The following WDR3 variants were observed in gnomAD, a reference collection of about 807,000 sequenced individuals.
WDR3 encodes the protein WD repeat domain 3.
A neutral mutation model predicts 123.7 loss-of-function variants in WDR3; 81 were observed. The observed-to-expected ratio is 0.65, with a 90% CI of 0.55 to 0.79. The LOEUF (loss-of-function observed/expected upper bound fraction) is 0.79. Ranked by LOEUF, WDR3 falls within the 30% of genes least tolerant of loss-of-function variation. The probability of loss-of-function intolerance (pLI) is 0.00; values close to 1 mark genes in which losing one functional copy is unlikely to be tolerated. For synonymous variants in WDR3, 390 were observed against 388.8 expected, an observed-to-expected ratio of 1.00 and a Z score of -0.04; for missense variants, 1,027 against 1,123.2, an observed-to-expected ratio of 0.91 and a Z score of 1.22.
rs1372671970 is a variant in WDR3, at chr1:117,952,567, A to G, written c.2056A>G (p.Ser686Gly). Residue 686 changes from serine to glycine, a missense_variant, in exon 19 of 27, where the codon AGT becomes GGT. Ser to Gly is a moderately conservative substitution (Grantham distance 56). Transcript: ENST00000349139. ...QEIWCLAVSP[S>G]GDYVVSSSHD... The stretch of plus-strand genomic sequence containing the variant: ...AATATGGTGTTTGGCTGTAAGCCCC[A>G]GTGGAGACTATGTTGTATCATCGTC... The G allele has an allele frequency of 2.5e-6, 4 of 1,613,392 alleles. No individual in the cohort carries two copies. Among genetic ancestry groups the G allele is most frequent in the Non-Finnish European group, 3.4e-6 (4 of 1,179,628 alleles).
intron 2 of WDR3, 73 bp downstream of exon 2, chr1:117,933,563 G>C: frequency 6.3e-7 from 1 of 1,584,422 alleles, no homozygotes; most frequent in Admixed American, 1.7e-5. Context: ...AAGTGGGGGG[G>C]CTCTGATTTA....
Position 117,941,778 on chromosome 1 carries a change from G to A in WDR3, c.920G>A (p.Cys307Tyr). 3 of 1,611,184 alleles carry A rather than the reference G, an allele frequency of 1.9e-6. No homozygotes were observed. Among genetic ancestry groups the A allele is most frequent in the Non-Finnish European group, 2.5e-6 (3 of 1,179,344 alleles). ...ACTGACTCTGTGCTAGAATTGTTTTGTATCCTTTCCAAAAAGGAAATTCAG... is the reference window on the plus strand; with the variant it reads ...ACTGACTCTGTGCTAGAATTGTTTTATATCCTTTCCAAAAAGGAAATTCAG... ...HGTDSVLELF[C>Y]ILSKKEIQKK... The change falls in exon 9 of 27, where the codon TGT (cysteine) becomes TAT (tyrosine). Residue 307 changes from cysteine (C) to tyrosine (Y), a missense_variant. Transcript: ENST00000349139.
chr1:117,931,849 A>G (rs1650745616), intron 1 of WDR3, among the ~76,000 whole-genome samples: 1 of 152,228 alleles, frequency 6.6e-6, no homozygotes, highest in African/African-American at 2.4e-5. Context: ...TTCCTGTGAG[A>G]GAAGCAATGA....
chr1:117,938,467 TTTC>T lies in WDR3; in HGVS notation c.501-7_501-5del, dbSNP rs1160110097. The T allele has an allele frequency of 3.7e-6, 6 of 1,610,428 alleles. No individual in the cohort carries two copies. Among genetic ancestry groups the T allele is most frequent in the Non-Finnish European group, 5.1e-6 (6 of 1,178,036 alleles). ...AAACAGGCTATATATTTTTTTCCTG[TTTC>T]TTCTTTTAGTGGGAAAGATACCATG... is the stretch of plus-strand genomic sequence containing the variant. On this transcript the variant is annotated splice_polypyrimidine_tract_variant and intron_variant, in intron 4 of 26. Transcript: ENST00000349139.
intron 6 of WDR3, 76 bp from the exon 7 acceptor site, chr1:117,940,751 A>ACAACAACAACAACAACAACAAC: frequency 1.5e-6 from 2 of 1,311,446 alleles, no homozygotes; most frequent in African/African-American, 3.0e-5. Flanking sequence ...AACAACAACA[A>ACAACAACAACAACAACAACAAC]AACAACAACA....
In WDR3 at chr1:117,966,493, C is replaced by T. The variant is rs1416757526; in HGVS notation, c.*7046C>T. On this transcript the variant is annotated 3_prime_UTR_variant, in exon 27 of 27. Transcript: ENST00000349139. ...ATGCTCTTTGTCTTAATAAATTTAA[C>T]TCTGATTTTGAAGATAGAATTAATA... The T allele has an allele frequency of 9.4e-7, 1 of 1,061,286 alleles. No homozygotes were observed. Among genetic ancestry groups the T allele is most frequent in the Non-Finnish European group, 1.3e-6 (1 of 768,280 alleles). The allele number at this position is 1,061,286 out of a possible 1,614,324, so 65.7% of individuals were successfully genotyped here.
chr1:117,959,580 G>A lies in WDR3; in HGVS notation c.*133G>A. On this transcript the variant is annotated 3_prime_UTR_variant, in exon 27 of 27. Transcript: ENST00000349139. ...CGCATTGCAGATGATATCAGGATGT[G>A]GTTTCCAGCTTTGCCTGAGGGAATT... 2.0e-6 allele frequency: 2 copies of A among 1,000,988 alleles called. No homozygotes were observed. Among genetic ancestry groups the A allele is most frequent in the East Asian group, 2.9e-5 (1 of 34,860 alleles). The allele number at this position is 1,000,988 out of a possible 1,614,324, so 62.0% of individuals were successfully genotyped here.
Position 117,940,926 on chromosome 1 carries a change from G to GA in WDR3, c.777dup (p.Ala260SerfsTer3), listed in dbSNP as rs1557818823. ...AGAGGATGGTGCCTTTGAGACGGAT[G>GA]AAGCCCCTGAGGATGTAATTCATTT... is the stretch of plus-strand genomic sequence containing the variant. On this transcript the variant is annotated frameshift_variant, in exon 7 of 27. Transcript: ENST00000349139. LOFTEE classifies it high-confidence loss of function. The GA allele has an allele frequency of 1.9e-6, 3 of 1,612,200 alleles. No homozygotes were observed. Among genetic ancestry groups the GA allele is most frequent in the Non-Finnish European group, 2.5e-6 (3 of 1,179,544 alleles).
At position 117,933,477 on chromosome 1, in the gene WDR3, G is replaced by A. The variant is rs1343701448; in HGVS notation, c.158G>A (p.Arg53Lys). The change falls in exon 2 of 27, where the codon AGG becomes AAG. Residue 53 changes from arginine (R) to lysine (K), a missense_variant. Transcript: ENST00000349139. ...GAACACGTTTTCATCTGGGACTTAA[G>A]GAAAGGAGAGAAGGTGAGCCTAAAA... The part of the protein sequence containing the change: ...ACEHVFIWDL[R>K]KGEKILILQG... 2 of 1,614,048 alleles carry A rather than the reference G, an allele frequency of 1.2e-6. No individual in the cohort carries two copies. Among genetic ancestry groups the A allele is most frequent in the Non-Finnish European group, 1.7e-6 (2 of 1,180,014 alleles).
intron 13 of WDR3, 83 bp downstream of exon 13, chr1:117,948,589 G>A: frequency 1.1e-6 from 1 of 914,766 alleles, no homozygotes; most frequent in Non-Finnish European, 1.5e-6. Context: ...AAGAAAGCCT[G>A]AGGTTTTTTT....
At chr1:117,939,749 T>C (rs1008579130) in intron 6 of WDR3, among the ~76,000 whole-genome samples, 177 bp downstream of exon 6, 1 of 152,224 alleles carries the variant, frequency 6.6e-6, no homozygotes, top group Non-Finnish European at 1.5e-5. Context: ...TCCTTATTTA[T>C]TTGAGCTCAG....
At chr1:117,942,361 A>C in intron 9 of WDR3, 76 bp from the exon 10 acceptor site, 1 of 1,258,788 alleles carries the variant, frequency 7.9e-7, no homozygotes, top group Non-Finnish European at 1.1e-6. Context: ...TCAAGGGGCC[A>C]GATTTTGAAC....
chr1:117,946,061 GTTCT>G (rs755014022), intron 11 of WDR3, 21 bp from the exon 12 acceptor site: 15 of 1,577,746 alleles, frequency 9.5e-6, no homozygotes, highest in East Asian at 9.1e-5. Flanking sequence ...CTTAACATGA[GTTCT>G]TTATTTTTTC....
intron 17 of WDR3, 53 bp from the exon 18 acceptor site, chr1:117,952,244 C>G: frequency 4.5e-6 from 7 of 1,544,170 alleles, no homozygotes; most frequent in Non-Finnish European, 6.2e-6. Context: ...GTGTAAAACT[C>G]TTTTTACTAA....
chr1:117,934,160 G>A (rs1650834153), intron 2 of WDR3, among the ~76,000 whole-genome samples: 1 of 152,178 alleles, frequency 6.6e-6, no homozygotes, highest in Non-Finnish European at 1.5e-5. Context: ...ATCACGTAGT[G>A]TTGTTCTAGG....
At chr1:117,941,899 ATGTTACTG>A in intron 9 of WDR3, 52 bp downstream of exon 9, 1 of 1,509,708 alleles carries the variant, frequency 6.6e-7, no homozygotes, top group Admixed American at 2.8e-5. Context: ...GGTAGGCCCC[ATGTTACTG>A]AAAAAAAACT....
intron 10 of WDR3, among the ~76,000 whole-genome samples, chr1:117,942,833 T>G (rs991978708): frequency 2.0e-5 from 3 of 151,506 alleles, no homozygotes; most frequent in Non-Finnish European, 4.4e-5. Context: ...TAAGGTCACT[T>G]ATAAAGAATA....
chr1:117,933,834 A>G (rs906866238), intron 2 of WDR3: 2 of 288,278 alleles, frequency 6.9e-6, no homozygotes, highest in Admixed American at 9.7e-5. Flanking sequence ...TGGTTATAAA[A>G]TATTAGGCAT....
chr1:117,938,945 A>G (rs1651046851), intron 5 of WDR3, among the ~76,000 whole-genome samples: 1 of 152,208 alleles, frequency 6.6e-6, no homozygotes, highest in South Asian at 2.1e-4. Context: ...GAGTTCAGGG[A>G]CTGTTTTTTA....
Sources: gnomAD v4.1 joint callset for allele counts (sites outside exome capture counted in the v4.1 genomes callset) on GRCh38, gnomAD v4.1.1 for gene constraint, MANE v1.5 for transcripts, NCBI Gene and HGNC (gene_info 2026-07-23, HGNC 2026-07-21) for gene names.